The following C16orf89 variants were observed in gnomAD, a reference collection of about 807,000 sequenced individuals.
C16orf89 encodes the protein UPF0764 protein C16orf89.
A neutral mutation model predicts 41.5 loss-of-function variants in C16orf89; 57 were observed. The observed-to-expected ratio is 1.38, with a 90% CI of 1.11 to 1.71. The LOEUF (loss-of-function observed/expected upper bound fraction) is 1.71, where lower values mean the gene tolerates loss of function less well. C16orf89 is among the 40% of genes most tolerant of loss of function. C16orf89 has a pLI of 0.00. For missense variants in C16orf89, 575 were observed against 445.9 expected, an observed-to-expected ratio of 1.29 and a Z score of -2.61; for synonymous variants, 223 against 190.6, an observed-to-expected ratio of 1.17 and a Z score of -1.40.
chr16:5,065,751 C>G lies in C16orf89; in HGVS notation c.158G>C (p.Arg53Thr). The stretch of plus-strand genomic sequence containing the variant: ...GCCATCCAGGTTGATTTCAGGCAGC[C>G]TCTGTTCTAGGAAGACGGTGGCTCT... Reference protein sequence around the residue: ...LERATVFLEQRLPEINLDGMV... With the variant: ...LERATVFLEQTLPEINLDGMV... The change falls in exon 1 of 8, where the codon AGG becomes ACG. Residue 53 changes from arginine (R) to threonine (T), a missense_variant. Coordinates refer to ENST00000472572, the MANE Select transcript of C16orf89 (RefSeq NM_001098514.3). 6.2e-7 allele frequency: 1 copy of G among 1,614,174 alleles called. No individual in the cohort carries two copies. The highest frequency in any genetic ancestry group is 8.5e-7 in the Non-Finnish European group (1 of 1,179,994).
intron 1 of C16orf89, among the ~76,000 whole-genome samples, chr16:5,062,845 T>A (rs1396810065): frequency 1.3e-5 from 2 of 152,188 alleles, no homozygotes; most frequent in Non-Finnish European, 2.9e-5. Context: ...TCTTTGATAC[T>A]TGAGGTTCAA....
chr16:5,054,725 A>G (rs1195583218), intron 6 of C16orf89, among the ~76,000 whole-genome samples: 5 of 152,114 alleles, frequency 3.3e-5, no homozygotes, highest in Non-Finnish European at 1.5e-5. Context: ...GTGGGAGGTA[A>G]TTGAATCATG....
intron 7 of C16orf89, among the ~76,000 whole-genome samples, chr16:5,045,236 T>G (rs1206630737): frequency 6.6e-6 from 1 of 152,162 alleles, no homozygotes; most frequent in African/African-American, 2.4e-5. Context: ...ATGGGGAAAC[T>G]GAGGCTTGGG....
At chr16:5,064,824 C>A (rs1228175788) in intron 1 of C16orf89, among the ~76,000 whole-genome samples, 1 of 152,120 alleles carries the variant, frequency 6.6e-6, no homozygotes, top group African/African-American at 2.4e-5. Flanking sequence ...GGCCGCTTTC[C>A]CAGTGAATGC....
chr16:5,045,653 G>A (rs925372966), intron 7 of C16orf89, among the ~76,000 whole-genome samples: 5 of 152,150 alleles, frequency 3.3e-5, no homozygotes, highest in African/African-American at 1.2e-4. Context: ...GGCTTTGCAC[G>A]ATGATCAGTT....
Position 5,065,950 on chromosome 16 carries a change from G to C in C16orf89, c.-42C>G. ...CTGCTGGTCACACGCTCAGCACCCTGAGCTCTGGCCAAGCCCAGACTGCCT... is the reference window on the plus strand; with the variant it reads ...CTGCTGGTCACACGCTCAGCACCCTCAGCTCTGGCCAAGCCCAGACTGCCT... On this transcript the variant is annotated 5_prime_UTR_variant, in exon 1 of 8. Coordinates refer to ENST00000472572, the MANE Select transcript of C16orf89 (RefSeq NM_001098514.3). 1 of 1,603,182 alleles carries C rather than the reference G, an allele frequency of 6.2e-7. No homozygotes were observed. Among genetic ancestry groups the C allele is most frequent in the Non-Finnish European group, 8.5e-7 (1 of 1,176,674 alleles).
chr16:5,063,361 G>A (rs1367534819), intron 1 of C16orf89, among the ~76,000 whole-genome samples: 1 of 152,138 alleles, frequency 6.6e-6, no homozygotes, highest in African/African-American at 2.4e-5. Flanking sequence ...TAAAGGCTTG[G>A]GAGTGCTGAC....
rs78458060 is a variant in C16orf89, at chr16:5,048,767, C to T, written c.869-803G>A. Reference sequence around the variant, plus strand: ...AACTATCACTAGAGAAAAGCCCAAACAGCAGTGATAACAATAAGAAAGGAA... The same window carrying T: ...AACTATCACTAGAGAAAAGCCCAAATAGCAGTGATAACAATAAGAAAGGAA... On this transcript the variant is annotated intron_variant, in intron 6 of 7. Transcript: ENST00000472572. Among the ~76,000 whole-genome samples, 1,344 of 151,928 alleles carry T rather than the reference C, an allele frequency of 8.8e-3. 18 individuals are homozygous for T. The highest frequency in any genetic ancestry group is 0.03 in the African/African-American group (1,259 of 41,418).
chr16:5,058,671 C>T, intron 3 of C16orf89, 61 bp from the exon 4 acceptor site: 1 of 1,379,448 alleles, frequency 7.2e-7, no homozygotes, highest in Non-Finnish European at 1.0e-6. Flanking sequence ...TGCGTCTTCC[C>T]AGCCCCCTAG....
At chr16:5,053,343 C>T (rs1037676607) in intron 6 of C16orf89, among the ~76,000 whole-genome samples, 5 of 151,732 alleles carry the variant, frequency 3.3e-5, no homozygotes, top group African/African-American at 9.7e-5. Context: ...GCACTCCTGC[C>T]TGGGTGACAG....
At chr16:5,052,926 A>G (rs576917046) in intron 6 of C16orf89, among the ~76,000 whole-genome samples, 5 of 152,222 alleles carry the variant, frequency 3.3e-5, no homozygotes, top group African/African-American at 9.6e-5. Context: ...CACAGACCCA[A>G]TGAAGTACTA....
chr16:5,054,502 G>A (rs1218694879), intron 6 of C16orf89, among the ~76,000 whole-genome samples: 1 of 152,124 alleles, frequency 6.6e-6, no homozygotes, highest in Non-Finnish European at 1.5e-5. Flanking sequence ...ATCAGAATGT[G>A]CAATTATTTC....
At chr16:5,053,911 A>T (rs1289006947) in intron 6 of C16orf89, among the ~76,000 whole-genome samples, 1 of 152,210 alleles carries the variant, frequency 6.6e-6, no homozygotes, top group Non-Finnish European at 1.5e-5. Context: ...GTTTGAGGTG[A>T]TGCGTCTGCT....
downstream of C16orf89, chr16:5,043,225 C>G (rs1177723449): frequency 2.0e-5 from 3 of 152,886 alleles, no homozygotes; most frequent in Non-Finnish European, 2.9e-5. Flanking sequence ...CTACTGCACC[C>G]AGTGAGGGTT....
intron 4 of C16orf89, among the ~76,000 whole-genome samples, chr16:5,056,934 C>T (rs1199415431): frequency 6.6e-6 from 1 of 152,000 alleles, no homozygotes; most frequent in East Asian, 1.9e-4. Flanking sequence ...TGAACCCTAC[C>T]TTTCTGTATG....
Position 5,062,509 on chromosome 16 carries a change from C to G in C16orf89, c.274G>C (p.Val92Leu), listed in dbSNP as rs756079099. The G allele has an allele frequency of 2.5e-6, 4 of 1,614,030 alleles. No individual in the cohort carries two copies. Among genetic ancestry groups the G allele is most frequent in the Non-Finnish European group, 2.5e-6 (3 of 1,179,920 alleles). ...EPLLQPLSLRVGMLGEKLEAA... is the reference protein window; with the variant it reads ...EPLLQPLSLRLGMLGEKLEAA... ...TCCAGCTTCTCCCCCAGCATCCCCA[C>G]GCGCAGGCTCAGCGGCTGCAGCAGG... The change falls in exon 2 of 8, where the codon GTG becomes CTG. Residue 92 changes from valine (V) to leucine (L), a missense_variant. Transcript: ENST00000472572.
Position 5,062,583 on chromosome 16 carries a change from G to A in C16orf89, c.209-9C>T, listed in dbSNP as rs149804211. 7.5e-6 allele frequency: 12 copies of A among 1,590,526 alleles called. No individual in the cohort carries two copies. The East Asian group carries it at 2.0e-4, about 27-fold the overall frequency. On this transcript the variant is annotated splice_polypyrimidine_tract_variant and intron_variant, in intron 1 of 7. Coordinates refer to ENST00000472572, the MANE Select transcript of C16orf89 (RefSeq NM_001098514.3). The stretch of plus-strand genomic sequence containing the variant: ...GACACTTTTTAGCTGCTCTGGAAGG[G>A]AACAGAGTTAATTCATTCAACTATT...
chr16:5,051,799 G>C (rs564673583), intron 6 of C16orf89, among the ~76,000 whole-genome samples: 1 of 152,146 alleles, frequency 6.6e-6, no homozygotes, highest in African/African-American at 2.4e-5. Flanking sequence ...ATGCTTCAAG[G>C]CTATAGGAAA....
At position 5,059,123 on chromosome 16, in the gene C16orf89, C is replaced by T. The variant is rs539272597; in HGVS notation, c.510-513G>A. 4.6e-5 allele frequency among the ~76,000 whole-genome samples: 7 copies of T among 152,104 alleles called. No individual in the cohort carries two copies. In the South Asian group the frequency reaches 1.5e-3, roughly 32 times the overall value. On this transcript the variant is annotated intron_variant, in intron 3 of 7. Transcript: ENST00000472572. ...GGTGTGGTGGCACGTGCCTGTAATC[C>T]CAGCTACTCGGGAGGCTGAGGCAGG...
Sources: gnomAD v4.1 joint callset for allele counts (sites outside exome capture counted in the v4.1 genomes callset) on GRCh38, gnomAD v4.1.1 for gene constraint, MANE v1.5 for transcripts, NCBI Gene and HGNC (gene_info 2026-07-23, HGNC 2026-07-21) for gene names.